The following SEMA3A variants were observed in gnomAD, a reference collection of about 807,000 sequenced individuals.
SEMA3A encodes the protein semaphorin 3A, also known as semaphorin-3A.
Under a neutral mutation model 97.9 loss-of-function variants are expected in SEMA3A, and 29 were observed. That is an observed-to-expected ratio of 0.30 (90% CI 0.22 to 0.40). The LOEUF is 0.40. SEMA3A is among the 10% of genes least tolerant of loss of function. The pLI, the probability that SEMA3A is intolerant of heterozygous loss-of-function variation, is 1.00. For missense variants in SEMA3A, 763 were observed against 951.3 expected (o/e 0.80, Z 2.60); for synonymous variants, 321 against 323.7 (o/e 0.99, Z 0.09).
At chr7:84,172,032 T>A (rs1470523560) in intron 1 of SEMA3A, among the ~76,000 whole-genome samples, 1 of 152,188 alleles carries the variant, frequency 6.6e-6, no homozygotes, top group Non-Finnish European at 1.5e-5. Context: ...AAATCCCACA[T>A]TCTTTTTAGG....
chr7:84,012,541 A>T (rs1790924311), intron 7 of SEMA3A, among the ~76,000 whole-genome samples: 2 of 152,246 alleles, frequency 1.3e-5, no homozygotes, highest in Admixed American at 1.3e-4. Context: ...TGAATGGATG[A>T]TAAATATATG....
At chr7:84,461,703 C>G (rs548240681) in intron 1 of SEMA3A, among the ~76,000 whole-genome samples, 2 of 152,114 alleles carry the variant, frequency 1.3e-5, no homozygotes, top group African/African-American at 2.4e-5. Flanking sequence ...TAATCTATTA[C>G]TGTTCAGCTA....
upstream of SEMA3A, among the ~76,000 whole-genome samples, chr7:84,196,562 T>C (rs1395475318): frequency 6.6e-6 from 1 of 152,236 alleles, no homozygotes; most frequent in Non-Finnish European, 1.5e-5. Context: ...AGCCTATTGA[T>C]CAGCCAGTAT....
intron 5 of SEMA3A, among the ~76,000 whole-genome samples, chr7:84,055,426 G>A (rs978777272): frequency 2.6e-5 from 4 of 152,152 alleles, no homozygotes; most frequent in African/African-American, 9.7e-5. Context: ...TTTTAAGCCC[G>A]TCGGAAAAGG....
intron 2 of SEMA3A, among the ~76,000 whole-genome samples, chr7:84,364,080 T>G (rs1802786777): frequency 6.9e-6 from 1 of 144,812 alleles, no homozygotes; most frequent in Admixed American, 7.1e-5. Context: ...TTCATTAACA[T>G]ATGTATTGGT....
intron 3 of SEMA3A, among the ~76,000 whole-genome samples, chr7:84,248,947 T>C (rs1438992104): frequency 6.6e-6 from 1 of 152,196 alleles, no homozygotes; most frequent in Non-Finnish European, 1.5e-5. Context: ...AATGGAAGGC[T>C]ACATTTGACT....
chr7:84,434,905 T>A (rs752303902), intron 1 of SEMA3A, among the ~76,000 whole-genome samples: 1 of 152,102 alleles, frequency 6.6e-6, no homozygotes, highest in Admixed American at 6.5e-5. Context: ...GCCAACATCA[T>A]GAACAGGCAA....
chr7:84,268,249 ATGTGTGTGTGTGTGTG>A (rs66460940), intron 3 of SEMA3A, among the ~76,000 whole-genome samples: 16 of 131,036 alleles, frequency 1.2e-4, no homozygotes, highest in South Asian at 1.1e-3. Context: ...AGACATAAGC[ATGTGTGTGTGTGTGTG>A]TGTGTGTGTG....
chr7:84,319,410 G>A lies in SEMA3A; in HGVS notation c.-168-12118C>T, dbSNP rs574016829. On this transcript the variant is annotated intron_variant, in intron 2 of 3. Transcript: ENST00000424555. ...GGTGCACCAAACAGGAAGGGGGAAG[G>A]GGGTAAAGAGGTAGATTATATCCAG... is the stretch of plus-strand genomic sequence containing the variant. 4.0e-5 allele frequency among the ~76,000 whole-genome samples: 6 copies of A among 151,650 alleles called. 1 individual carries two copies. The South Asian group carries it at 1.3e-3, about 32-fold the overall frequency.
chr7:84,015,267 T>TC (rs1390115940), intron 6 of SEMA3A, among the ~76,000 whole-genome samples: 1 of 151,568 alleles, frequency 6.6e-6, no homozygotes. Flanking sequence ...TTGTTGTATT[T>TC]TTTGTTGATG....
chr7:84,475,228 T>A (rs1172894508), intron 1 of SEMA3A, among the ~76,000 whole-genome samples: 3 of 151,984 alleles, frequency 2.0e-5, no homozygotes, highest in Non-Finnish European at 2.9e-5. Context: ...CAATAATGGA[T>A]TGTTAGAGAG....
At chr7:84,194,095 G>A (rs1798135144) in intron 1 of SEMA3A, among the ~76,000 whole-genome samples, 1 of 151,964 alleles carries the variant, frequency 6.6e-6, no homozygotes, top group African/African-American at 2.4e-5. Context: ...AGTAATTATA[G>A]GTAAGGCATG....
intron 11 of SEMA3A, among the ~76,000 whole-genome samples, chr7:84,004,443 T>C (rs1262979491): frequency 1.3e-5 from 2 of 152,124 alleles, no homozygotes; most frequent in Non-Finnish European, 2.9e-5. Flanking sequence ...TTTCTTTTCA[T>C]TGTATGACAG....
At chr7:84,044,627 T>C (rs1263115400) in intron 6 of SEMA3A, among the ~76,000 whole-genome samples, 1 of 151,946 alleles carries the variant, frequency 6.6e-6, no homozygotes, top group African/African-American at 2.4e-5. Flanking sequence ...AGAAAATCAT[T>C]AGTGTCCTTT....
chr7:84,236,105 C>T (rs1331037632), intron 3 of SEMA3A, among the ~76,000 whole-genome samples: 2 of 152,102 alleles, frequency 1.3e-5, no homozygotes, highest in Non-Finnish European at 2.9e-5. Context: ...AATTAGAATT[C>T]ATTTGTTTCT....
At chr7:84,301,842 C>T (rs184728870) in intron 3 of SEMA3A, among the ~76,000 whole-genome samples, 7 of 152,242 alleles carry the variant, frequency 4.6e-5, no homozygotes, top group Admixed American at 4.6e-4. Flanking sequence ...AGGGGAATGT[C>T]AAATGGTACA....
chr7:84,085,282 AG>A (rs1794296234), intron 4 of SEMA3A, among the ~76,000 whole-genome samples: 2 of 151,758 alleles, frequency 1.3e-5, no homozygotes, highest in African/African-American at 4.8e-5. Flanking sequence ...ATTGAAGTTT[AG>A]GAGGAGCAAA....
intron 2 of SEMA3A, among the ~76,000 whole-genome samples, chr7:84,322,485 G>C (rs1301567299): frequency 6.6e-6 from 1 of 151,972 alleles, no homozygotes; most frequent in African/African-American, 2.4e-5. Context: ...AATCATGGGG[G>C]CAGTTTCCCC....
chr7:84,165,034 C>A (rs1338913657), intron 1 of SEMA3A, among the ~76,000 whole-genome samples: 10 of 151,954 alleles, frequency 6.6e-5, no homozygotes, highest in Non-Finnish European at 8.8e-5. Flanking sequence ...ATGGCGAAAC[C>A]CCGTCACTAC....
Sources: gnomAD v4.1 joint callset for allele counts (sites outside exome capture counted in the v4.1 genomes callset) on GRCh38, gnomAD v4.1.1 for gene constraint, MANE v1.5 for transcripts, NCBI Gene and HGNC (gene_info 2026-07-23, HGNC 2026-07-21) for gene names.